Variants in KLF8 observed in about 807,000 individuals in gnomAD.
KLF8 encodes the protein KLF transcription factor 8, also known as Krueppel-like factor 8.
Under a neutral mutation model 18.2 loss-of-function variants are expected in KLF8, and 10 were observed. The observed-to-expected ratio is 0.55, with a 90% CI of 0.34 to 0.93. The LOEUF is 0.93. Among genes scored for constraint, KLF8 ranks in the 40% least tolerant of loss-of-function variants. KLF8 has a pLI of 0.02. For missense variants in KLF8, 264 were observed against 277.9 expected (o/e 0.95, Z 0.36); for synonymous variants, 109 against 97.3 (o/e 1.12, Z -0.71).
chrX:55,926,830 T>G, the KLF8 span, among the ~76,000 whole-genome samples: 1 of 110,567 alleles, frequency 9.0e-6, no homozygotes, highest in Non-Finnish European at 1.9e-5. Flanking sequence ...ATTAATCAAA[T>G]TTGAATTATA....
chrX:56,158,653 T>C, the KLF8 span, among the ~76,000 whole-genome samples: 1 of 112,107 alleles, frequency 8.9e-6, no homozygotes, highest in African/African-American at 3.2e-5. Context: ...TTTGAAGCAA[T>C]TGTGAATGGG....
At chrX:56,084,971 G>C in the KLF8 span, among the ~76,000 whole-genome samples, 3 of 111,875 alleles carry the variant, frequency 2.7e-5, no homozygotes, top group Non-Finnish European at 5.6e-5. Flanking sequence ...CCTGATTCTA[G>C]ACAGCTGAAA....
At chrX:56,129,703 G>A in the KLF8 span, among the ~76,000 whole-genome samples, 18 of 110,237 alleles carry the variant, frequency 1.6e-4, no homozygotes, top group Middle Eastern at 4.6e-3. Context: ...AATCCAGTGC[G>A]CAGACTCAAC....
chrX:55,942,054 A>T, the KLF8 span, among the ~76,000 whole-genome samples: 1 of 111,763 alleles, frequency 8.9e-6, no homozygotes, highest in Admixed American at 9.5e-5. Flanking sequence ...GCTGCCTTAA[A>T]GACACATGCA....
At chrX:55,965,341 G>A in the KLF8 span, among the ~76,000 whole-genome samples, 1 of 111,847 alleles carries the variant, frequency 8.9e-6, no homozygotes, top group African/African-American at 3.3e-5. Flanking sequence ...GTATTCCTTC[G>A]TGTTAAGAAC....
chrX:55,943,186 A>G, the KLF8 span, among the ~76,000 whole-genome samples: 12 of 111,089 alleles, frequency 1.1e-4, no homozygotes, highest in African/African-American at 3.6e-4. Flanking sequence ...AAGGGGAGTG[A>G]ATTTTGGAAC....
the KLF8 span, among the ~76,000 whole-genome samples, chrX:55,980,065 G>A: frequency 8.9e-6 from 1 of 112,011 alleles, no homozygotes; most frequent in Non-Finnish European, 1.9e-5. Context: ...TACCATTTAA[G>A]TGACTGCAGG....
intron 3 of KLF8, chrX:56,267,805 G>A (rs1359076799): frequency 9.0e-6 from 1 of 111,502 alleles, no homozygotes; most frequent in Non-Finnish European, 1.9e-5. Context: ...TGTGGTGAGA[G>A]CACTTAATGT....
the KLF8 span, among the ~76,000 whole-genome samples, chrX:56,204,644 A>G: frequency 9.0e-6 from 1 of 110,966 alleles, no homozygotes; most frequent in Non-Finnish European, 1.9e-5. Context: ...AGGGATGTTG[A>G]ATTTTATTAA....
the KLF8 span, among the ~76,000 whole-genome samples, chrX:56,188,459 A>G: frequency 8.9e-6 from 1 of 111,867 alleles, no homozygotes; most frequent in Admixed American, 9.5e-5. Flanking sequence ...GGTAATTTAT[A>G]GATTCAATGC....
the KLF8 span, among the ~76,000 whole-genome samples, chrX:55,998,560 A>G: frequency 8.9e-6 from 1 of 112,249 alleles, no homozygotes; most frequent in Non-Finnish European, 1.9e-5. Context: ...TAATCCATTT[A>G]ACCCTGAGTT....
At chrX:56,178,331 G>A in the KLF8 span, among the ~76,000 whole-genome samples, 3 of 112,324 alleles carry the variant, frequency 2.7e-5, no homozygotes, top group African/African-American at 9.7e-5. Context: ...TGATGGGGTT[G>A]TTTGATTTTT....
the KLF8 span, among the ~76,000 whole-genome samples, chrX:56,023,428 GAC>G: frequency 9.0e-6 from 1 of 111,697 alleles, no homozygotes; most frequent in Non-Finnish European, 1.9e-5. Context: ...GACAAACAAA[GAC>G]ACAAACAGGA....
chrX:56,101,021 G>T, the KLF8 span, among the ~76,000 whole-genome samples: 1 of 111,120 alleles, frequency 9.0e-6, no homozygotes, highest in Non-Finnish European at 1.9e-5. Context: ...TGTTACATGG[G>T]TATATTGCAT....
the KLF8 span, among the ~76,000 whole-genome samples, chrX:55,973,420 C>A: frequency 1.8e-5 from 2 of 111,632 alleles, no homozygotes; most frequent in Non-Finnish European, 3.8e-5. Context: ...AACAGTCAAC[C>A]TACAAAATGG....
At chrX:56,079,193 T>A in the KLF8 span, among the ~76,000 whole-genome samples, 2 of 111,416 alleles carry the variant, frequency 1.8e-5, no homozygotes, top group African/African-American at 6.5e-5. Flanking sequence ...AGCTTTTGAA[T>A]GTGTTTGCTC....
Position 56,284,531 on chromosome X carries a change from C to T in KLF8, c.*37C>T, listed in dbSNP as rs760963225. 9.4e-7 allele frequency: 1 copy of T among 1,064,797 alleles called. No individual in the cohort carries two copies. The allele number at this position is 1,064,797 out of a possible 1,213,427, so 87.8% of individuals were successfully genotyped here. A position where few individuals can be genotyped will look rare whatever the true frequency, so the allele number is the denominator to read the frequency against. On this transcript the variant is annotated 3_prime_UTR_variant, in exon 6 of 6. Transcript: ENST00000468660. ...CACACTAGAGAAGCTGCGCTGGTAT[C>T]TTTCCTGGTCGTGTGCTGAGGTTGG...
the KLF8 span, among the ~76,000 whole-genome samples, chrX:56,082,139 G>T: frequency 1.8e-5 from 2 of 111,771 alleles, no homozygotes; most frequent in African/African-American, 6.5e-5. Context: ...ACTGGTTATA[G>T]ATGTATGCAG....
At chrX:56,149,115 AC>A in the KLF8 span, among the ~76,000 whole-genome samples, 22 of 112,085 alleles carry the variant, frequency 2.0e-4, no homozygotes, top group African/African-American at 7.1e-4. Context: ...ATTAGTTCCA[AC>A]AACAGATGTT....
Sources: gnomAD v4.1 joint callset for allele counts (sites outside exome capture counted in the v4.1 genomes callset) on GRCh38, gnomAD v4.1.1 for gene constraint, MANE v1.5 for transcripts, NCBI Gene and HGNC (gene_info 2026-07-23, HGNC 2026-07-21) for gene names.